Variants in CYP11B1 observed in about 807,000 individuals in gnomAD.
CYP11B1 encodes the protein cytochrome P450 family 11 subfamily B member 1, also known as cytochrome P450 11B1, mitochondrial.
In CYP11B1, 34 loss-of-function variants were observed where a neutral mutation model predicts 48.3. The ratio of observed to expected loss-of-function variants is 0.70; its 90% CI spans 0.54 to 0.94. CYP11B1 has a LOEUF of 0.94. Among genes scored for constraint, CYP11B1 ranks in the 40% least tolerant of loss-of-function variants. The pLI is 0.00. For missense variants in CYP11B1, 688 were observed against 657.4 expected (o/e 1.05, Z -0.51); for synonymous variants, 291 against 262.5 (o/e 1.11, Z -1.05).
rs563321033 is a variant in CYP11B1 at position 142,875,751 on chromosome 8, T to C, written c.1082A>G (p.Glu361Gly). The C allele has an allele frequency of 8.7e-6, 14 of 1,614,016 alleles. No individual in the cohort carries two copies. In the Admixed American group the frequency reaches 1.2e-4, roughly 13 times the overall value. Residue 361 changes from glutamate to glycine, a missense_variant, in exon 6 of 9, where the codon GAG becomes GGG. Transcript: ENST00000292427. ...ISEHPQKATT[E>G]LPLLRAALKE... ...GAGGGCCGCACGCAGCAAGGGCAGC[T>C]CGGTGGTTGCCTTCTGGGGATGTTC...
At chr8:142,874,898 A>AT in intron 8 of CYP11B1, 59 bp downstream of exon 8, 1 of 1,599,240 alleles carries the variant, frequency 6.3e-7, no homozygotes, top group Non-Finnish European at 8.5e-7. Flanking sequence ...ACATTGCTCA[A>AT]GCCCCGCCCA....
Position 142,873,441 on chromosome 8 carries a change from A to G in CYP11B1, c.*932T>C, listed in dbSNP as rs1216013827. ...GAGGCCCAAGGCAGGTTCACGCAGG[A>G]AACTGCAGCCTCCCTGTGCCCACCC... On this transcript the variant is annotated 3_prime_UTR_variant, in exon 9 of 9. Transcript: ENST00000292427. 6.6e-6 allele frequency: 1 copy of G among 152,272 alleles called. No homozygotes were observed. 9.4% of individuals were successfully genotyped at this position (152,272 alleles called of 1,614,324 possible).
chr8:142,875,121 G>C lies in CYP11B1; in HGVS notation c.1234C>G (p.Arg412Gly). The C allele has an allele frequency of 6.2e-7, 1 of 1,614,272 alleles. No homozygotes were observed. Among genetic ancestry groups the C allele is most frequent in the Non-Finnish European group, 8.5e-7 (1 of 1,180,046 alleles). The part of the protein sequence containing the change: ...LVRVFLYSLG[R>G]NPALFPRPER... ...GGCCTCGGGAACAAGGCGGGGTTGCGACCCAGAGAGTAGAGGAACACGCGC... is the reference window on the plus strand; with the variant it reads ...GGCCTCGGGAACAAGGCGGGGTTGCCACCCAGAGAGTAGAGGAACACGCGC... Residue 412 changes from arginine (R) to glycine (G), a missense_variant, in exon 8 of 9, where the codon CGC becomes GGC. Coordinates refer to ENST00000292427, the MANE Select transcript of CYP11B1 (RefSeq NM_000497.4).
At chr8:142,875,667 C>T (rs764039459) in intron 6 of CYP11B1, 45 bp downstream of exon 6, 1 of 1,608,908 alleles carries the variant, frequency 6.2e-7, no homozygotes, top group Non-Finnish European at 8.5e-7. Context: ...GGGCTGCTCT[C>T]CAGCAGGGGG....
rs387907572 is a variant in CYP11B1 at position 142,876,278 on chromosome 8, G to A, written c.917C>T (p.Ala306Val). The A allele has an allele frequency of 3.1e-6, 5 of 1,614,086 alleles. No individual in the cohort carries two copies. Among genetic ancestry groups the A allele is most frequent in the Non-Finnish European group, 4.2e-6 (5 of 1,180,044 alleles). The stretch of plus-strand genomic sequence containing the variant: ...CCCTGCAGTGAGTTCCATAGAGTTG[G>A]CCTTGATGGCATCTGGCGACAGTTC... Reference protein sequence around the residue: ...NAELSPDAIKANSMELTAGSV... With the variant: ...NAELSPDAIKVNSMELTAGSV... The change falls in exon 5 of 9, where the codon GCC becomes GTC. Residue 306 changes from alanine (A) to valine (V), a missense_variant. Coordinates refer to ENST00000292427, the MANE Select transcript of CYP11B1 (RefSeq NM_000497.4).
In CYP11B1 at chr8:142,872,964, G is replaced by A. The variant is rs1239277158; in HGVS notation, c.*1409C>T. ...TGAAACAAGAGGTGGGTCCTCACCA[G>A]ACACAGAACCTGCTGACACCTTGAT... On this transcript the variant is annotated 3_prime_UTR_variant, in exon 9 of 9. Transcript: ENST00000292427. 6.6e-6 allele frequency: 1 copy of A among 152,270 alleles called. No homozygotes were observed. Among genetic ancestry groups the A allele is most frequent in the African/African-American group, 2.4e-5 (1 of 41,454 alleles). 9.4% of individuals were successfully genotyped at this position (152,270 alleles called of 1,614,324 possible). A position where few individuals can be genotyped will look rare whatever the true frequency, so the allele number is the denominator to read the frequency against.
Position 142,877,803 on chromosome 8 carries a change from G to C in CYP11B1, c.396-581C>G. 4 of 1,594,658 alleles carry C rather than the reference G, an allele frequency of 2.5e-6. No individual in the cohort carries two copies. The South Asian group carries it at 4.4e-5, about 18-fold the overall frequency. On this transcript the variant is annotated intron_variant, in intron 2 of 8. Coordinates refer to ENST00000292427, the MANE Select transcript of CYP11B1 (RefSeq NM_000497.4). ...GCTCCATGGATGCCCCCAGGGAATG[G>C]TGGGGAGGAATTTCCCCTGTCAGCC...
intron 2 of CYP11B1, 130 bp from the exon 3 acceptor site, chr8:142,877,352 C>T (rs1187048234): frequency 2.0e-5 from 19 of 946,368 alleles, no homozygotes; most frequent in Non-Finnish European, 2.8e-5. Context: ...GTAGAAGCTG[C>T]CTGTTTGTGT....
At chr8:142,878,846 C>T (rs1302248626) in intron 2 of CYP11B1, among the ~76,000 whole-genome samples, 186 bp downstream of exon 2, 8 of 152,192 alleles carry the variant, frequency 5.3e-5, no homozygotes, top group East Asian at 1.9e-4. Flanking sequence ...TCTCCACCAC[C>T]GCCCTGCTTC....
rs1400266962 is a variant in CYP11B1, at chr8:142,879,151, C to A, written c.276G>T (p.Met92Ile). The part of the protein sequence containing the change: ...DLGGAGMVCV[M>I]LPEDVEKLQQ... Reference sequence around the variant, plus strand: ...GCAGCTTCTCCACGTCCTCCGGCAGCATCACACACACCATGCCTGCTCCTC... The same window carrying A: ...GCAGCTTCTCCACGTCCTCCGGCAGAATCACACACACCATGCCTGCTCCTC... Residue 92 changes from methionine to isoleucine, a missense_variant, in exon 2 of 9, where the codon ATG becomes ATT. Transcript: ENST00000292427. 1 of 1,613,816 alleles carries A rather than the reference C, an allele frequency of 6.2e-7. No homozygotes were observed. The highest frequency in any genetic ancestry group is 2.2e-5 in the East Asian group (1 of 44,854).
At position 142,879,070 on chromosome 8, in the gene CYP11B1, G is replaced by A. The variant is rs1563870868; in HGVS notation, c.357C>T (p.Tyr119=). 5 of 1,614,222 alleles carry A rather than the reference G, an allele frequency of 3.1e-6. No homozygotes were observed. The highest frequency in any genetic ancestry group is 4.2e-6 in the Non-Finnish European group (5 of 1,180,044). The part of the protein sequence containing the change: ...HRMSLEPWVA[Y]RQHRGHKCGV... ...CACATTTGTGCCCACGATGTTGTCTGTAGGCCACCCAGGGCTCCAGGCTCA... is the reference window on the plus strand; with the variant it reads ...CACATTTGTGCCCACGATGTTGTCTATAGGCCACCCAGGGCTCCAGGCTCA... Residue 119 remains tyrosine (Y), a synonymous_variant, in exon 2 of 9, where the codon TAC becomes TAT. Coordinates refer to ENST00000292427, the MANE Select transcript of CYP11B1 (RefSeq NM_000497.4).
Position 142,879,622 on chromosome 8 carries a change from C to T in CYP11B1, c.192G>A (p.Leu64=), listed in dbSNP as rs1454064319. 1 of 1,614,120 alleles carries T rather than the reference C, an allele frequency of 6.2e-7. No individual in the cohort carries two copies. Among genetic ancestry groups the T allele is most frequent in the East Asian group, 2.2e-5 (1 of 44,884 alleles). ...GGAAGGTCTGGTGTACTTCCAGGTG[C>T]AGGTCCTCATAACCCTGCTCCCTCC... ...QIWREQGYED[L]HLEVHQTFQE... is the part of the protein sequence containing the mutation. Residue 64 remains leucine, a synonymous_variant, in exon 1 of 9, where the codon CTG becomes CTA. Coordinates refer to ENST00000292427, the MANE Select transcript of CYP11B1 (RefSeq NM_000497.4).
In CYP11B1 at chr8:142,875,162, C is replaced by G. The variant is rs777138805; in HGVS notation, c.1201-8G>C. The G allele has an allele frequency of 1.2e-6, 2 of 1,614,226 alleles. No homozygotes were observed. The highest frequency in any genetic ancestry group is 2.2e-5 in the South Asian group (2 of 91,084). ...GAACACGCGCACCAATGTCTGCGGA[C>G]GGTGCAGAGCGGGGATCAGGGAATG... On this transcript the variant is annotated splice_polypyrimidine_tract_variant and splice_region_variant and intron_variant, in intron 7 of 8. Transcript: ENST00000292427.
Position 142,872,889 on chromosome 8 carries a change from T to G in CYP11B1, c.*1484A>C, listed in dbSNP as rs901089128. On this transcript the variant is annotated 3_prime_UTR_variant, in exon 9 of 9. Coordinates refer to ENST00000292427, the MANE Select transcript of CYP11B1 (RefSeq NM_000497.4). ...CCTTATAAAAGAGGTCTCTGTGAGCTGTCTTGCCCTTTTCCACCATGTGAG... is the reference window on the plus strand; with the variant it reads ...CCTTATAAAAGAGGTCTCTGTGAGCGGTCTTGCCCTTTTCCACCATGTGAG... The G allele has an allele frequency of 6.6e-6, 1 of 152,216 alleles. No homozygotes were observed. Among genetic ancestry groups the G allele is most frequent in the Non-Finnish European group, 1.5e-5 (1 of 68,040 alleles). The allele number at this position is 152,216 out of a possible 1,614,324, so 9.4% of individuals were successfully genotyped here.
At position 142,873,132 on chromosome 8, in the gene CYP11B1, C is replaced by T. The variant is rs1165368859; in HGVS notation, c.*1241G>A. The T allele has an allele frequency of 6.6e-6, 1 of 152,260 alleles. No homozygotes were observed. Among genetic ancestry groups the T allele is most frequent in the Non-Finnish European group, 1.5e-5 (1 of 68,058 alleles). The allele number at this position is 152,260 out of a possible 1,614,324, so 9.4% of individuals were successfully genotyped here. A position where few individuals can be genotyped will look rare whatever the true frequency, so the allele number is the denominator to read the frequency against. ...GGTGTGCTCCCAACCTGGGGCACTTCATCTCCCTGTACAGGCTGAGTCCTG... is the reference window on the plus strand; with the variant it reads ...GGTGTGCTCCCAACCTGGGGCACTTTATCTCCCTGTACAGGCTGAGTCCTG... On this transcript the variant is annotated 3_prime_UTR_variant, in exon 9 of 9. Coordinates refer to ENST00000292427, the MANE Select transcript of CYP11B1 (RefSeq NM_000497.4).
intron 8 of CYP11B1, 44 bp downstream of exon 8, chr8:142,874,913 G>A (rs1816884716): frequency 2.5e-6 from 4 of 1,607,342 alleles, no homozygotes; most frequent in Non-Finnish European, 2.5e-6. Context: ...CGCCCATGCT[G>A]CCCAGACCCC....
chr8:142,874,536 G>A (rs776678735), intron 8 of CYP11B1, 50 bp from the exon 9 acceptor site: 8 of 1,268,478 alleles, frequency 6.3e-6, no homozygotes, highest in Middle Eastern at 1.8e-4. Context: ...GCCCATGCAC[G>A]TGGTGCAGCC....
intron 2 of CYP11B1, chr8:142,877,825 A>G (rs536414549): frequency 5.6e-6 from 9 of 1,595,408 alleles, no homozygotes; most frequent in African/African-American, 5.3e-5. Context: ...TTCCCCTGTC[A>G]GCCACATTTC....
chr8:142,879,152 A>T lies in CYP11B1; in HGVS notation c.275T>A (p.Met92Lys). ...DLGGAGMVCVMLPEDVEKLQQ... is the reference protein window; with the variant it reads ...DLGGAGMVCVKLPEDVEKLQQ... ...CAGCTTCTCCACGTCCTCCGGCAGCATCACACACACCATGCCTGCTCCTCC... is the reference window on the plus strand; with the variant it reads ...CAGCTTCTCCACGTCCTCCGGCAGCTTCACACACACCATGCCTGCTCCTCC... The change falls in exon 2 of 9, where the codon ATG becomes AAG. Residue 92 changes from methionine (M) to lysine (K), a missense_variant. Coordinates refer to ENST00000292427, the MANE Select transcript of CYP11B1 (RefSeq NM_000497.4). 3 of 1,613,916 alleles carry T rather than the reference A, an allele frequency of 1.9e-6. No individual in the cohort carries two copies. The highest frequency in any genetic ancestry group is 2.5e-6 in the Non-Finnish European group (3 of 1,179,862).
Sources: gnomAD v4.1 joint callset for allele counts (sites outside exome capture counted in the v4.1 genomes callset) on GRCh38, gnomAD v4.1.1 for gene constraint, MANE v1.5 for transcripts, NCBI Gene and HGNC (gene_info 2026-07-23, HGNC 2026-07-21) for gene names.